Variants in CA1 observed in about 807,000 individuals in gnomAD.
CA1 encodes carbonic anhydrase 1, also known as carbonate dehydratase I.
A neutral mutation model predicts 28.8 loss-of-function variants in CA1; 27 were observed. The observed-to-expected ratio is 0.94, with a 90% CI of 0.69 to 1.29. The LOEUF is 1.29. Among genes scored for constraint, CA1 ranks in the 50% most tolerant of loss-of-function variants. The probability of loss-of-function intolerance (pLI) is 0.00; values close to 1 mark genes in which losing one functional copy is unlikely to be tolerated. For synonymous variants in CA1, 121 were observed against 108.8 expected (o/e 1.11, Z -0.70); for missense variants, 335 against 310.5 (o/e 1.08, Z -0.59).
chr8:85,371,784 A>G (rs1262323196), intron 1 of CA1, among the ~76,000 whole-genome samples: 2 of 152,216 alleles, frequency 1.3e-5, no homozygotes, highest in Non-Finnish European at 2.9e-5. Flanking sequence ...AGTGAATTAC[A>G]GAGCAGCAAG....
chr8:85,370,293 T>C (rs1029526176), intron 1 of CA1, among the ~76,000 whole-genome samples: 2 of 152,186 alleles, frequency 1.3e-5, no homozygotes, highest in African/African-American at 4.8e-5. Context: ...GAAGTAAACT[T>C]TGTTCAGACT....
chr8:85,365,001 T>C (rs1427815004), intron 1 of CA1, among the ~76,000 whole-genome samples: 1 of 152,154 alleles, frequency 6.6e-6, no homozygotes, highest in Non-Finnish European at 1.5e-5. Flanking sequence ...GCTCTCCCTC[T>C]GTGGGCAAGA....
chr8:85,346,165 A>T (rs1342067537), intron 1 of CA1, among the ~76,000 whole-genome samples: 2 of 152,164 alleles, frequency 1.3e-5, no homozygotes, highest in African/African-American at 4.8e-5. Flanking sequence ...ATTAAATTTT[A>T]AGTATATCTC....
chr8:85,329,729 C>A lies in CA1; in HGVS notation c.629G>T (p.Trp210Leu). Reference sequence around the variant, plus strand: ...ACTGATGCTCTCCTTACAGATGATCCAAGTTACACTCTCATAAAGAGGAGG... The same window carrying A: ...ACTGATGCTCTCCTTACAGATGATCAAAGTTACACTCTCATAAAGAGGAGG... Reference protein sequence around the residue: ...THPPLYESVTWIICKESISVS... With the variant: ...THPPLYESVTLIICKESISVS... Residue 210 changes from tryptophan to leucine, a missense_variant, in exon 7 of 8, where the codon TGG becomes TTG. Physicochemically the swap from Trp to Leu is moderately conservative, Grantham distance 61 (BLOSUM62 -2). Transcript: ENST00000523022. 6.2e-7 allele frequency: 1 copy of A among 1,609,762 alleles called. No individual in the cohort carries two copies. The highest frequency in any genetic ancestry group is 2.2e-5 in the East Asian group (1 of 44,684).
At chr8:85,329,570 G>T in intron 7 of CA1, 119 bp downstream of exon 7, 1 of 878,736 alleles carries the variant, frequency 1.1e-6, no homozygotes, top group South Asian at 1.4e-5. Flanking sequence ...TTTTTAAGTT[G>T]GGAGGAAAAA....
intron 1 of CA1, among the ~76,000 whole-genome samples, chr8:85,344,349 T>C (rs971652289): frequency 2.2e-5 from 3 of 138,062 alleles, no homozygotes; most frequent in African/African-American, 7.8e-5. Flanking sequence ...TTTATACATA[T>C]ATTATGTATA....
intron 1 of CA1, among the ~76,000 whole-genome samples, chr8:85,353,198 A>G (rs568280912): frequency 5.6e-4 from 86 of 152,316 alleles, no homozygotes; most frequent in African/African-American, 1.7e-3. Context: ...AACTAACATG[A>G]CGCTATAGAC....
chr8:85,338,068 A>G (rs1051261748), intron 3 of CA1, 184 bp downstream of exon 3: 3 of 701,036 alleles, frequency 4.3e-6, no homozygotes, highest in Non-Finnish European at 7.8e-6. Flanking sequence ...GAGAGCTGGG[A>G]GTTCCAAAAA....
At chr8:85,364,112 GT>G (rs1809915617) in intron 1 of CA1, among the ~76,000 whole-genome samples, 1 of 151,934 alleles carries the variant, frequency 6.6e-6, no homozygotes, top group Non-Finnish European at 1.5e-5. Flanking sequence ...AAATGCTGGA[GT>G]TACAGGCGTG....
At chr8:85,331,682 T>C (rs1356885485) in intron 6 of CA1, among the ~76,000 whole-genome samples, 8 of 152,076 alleles carry the variant, frequency 5.3e-5, no homozygotes, top group Non-Finnish European at 1.0e-4. Flanking sequence ...GGTCTTGAAC[T>C]CCTGACCTCA....
intron 2 of CA1, among the ~76,000 whole-genome samples, chr8:85,340,548 G>A (rs1808872253): frequency 6.6e-6 from 1 of 152,156 alleles, no homozygotes; most frequent in African/African-American, 2.4e-5. Flanking sequence ...ATGGATCAAG[G>A]AGTAATTTCA....
chr8:85,374,455 A>G (rs906098165), intron 1 of CA1, among the ~76,000 whole-genome samples: 2 of 152,194 alleles, frequency 1.3e-5, no homozygotes, highest in South Asian at 4.1e-4. Flanking sequence ...AAGTACTGCT[A>G]TAGGTTTGTG....
At chr8:85,338,632 T>TTTC (rs1808766644) in intron 2 of CA1, among the ~76,000 whole-genome samples, 183 bp from the exon 3 acceptor site, 4 of 131,614 alleles carry the variant, frequency 3.0e-5, no homozygotes, top group African/African-American at 8.8e-5. Context: ...CTTTCCTTCT[T>TTTC]TTTCTTTCTT....
chr8:85,332,348 G>A, intron 6 of CA1, 142 bp downstream of exon 6: 1 of 680,900 alleles, frequency 1.5e-6, no homozygotes, highest in Non-Finnish European at 2.7e-6. Context: ...GAGGTAGGCA[G>A]TATTGAAGTA....
intron 7 of CA1, among the ~76,000 whole-genome samples, chr8:85,329,279 G>A (rs1187983000): frequency 6.6e-6 from 1 of 152,068 alleles, no homozygotes; most frequent in Non-Finnish European, 1.5e-5. Context: ...ATATTTTGTT[G>A]AATATTTAAA....
At chr8:85,374,004 C>T (rs1235293885) in intron 1 of CA1, among the ~76,000 whole-genome samples, 6 of 151,948 alleles carry the variant, frequency 3.9e-5, no homozygotes, top group African/African-American at 7.3e-5. Flanking sequence ...GGAGATGATG[C>T]GCGATGGGGG....
chr8:85,359,147 A>C (rs1259846019), intron 1 of CA1, among the ~76,000 whole-genome samples: 1 of 152,204 alleles, frequency 6.6e-6, no homozygotes, highest in Non-Finnish European at 1.5e-5. Flanking sequence ...GGTTTGAAGG[A>C]AGGGAAGACT....
chr8:85,365,099 C>G (rs1415222419), intron 1 of CA1, among the ~76,000 whole-genome samples: 3 of 152,148 alleles, frequency 2.0e-5, no homozygotes, highest in Non-Finnish European at 4.4e-5. Flanking sequence ...TACAGCTGAG[C>G]TGTATGAAGC....
chr8:85,352,964 A>G (rs1040143267), intron 1 of CA1, among the ~76,000 whole-genome samples: 13 of 152,200 alleles, frequency 8.5e-5, no homozygotes, highest in Non-Finnish European at 1.5e-5. Context: ...AGTTGAGTTC[A>G]GGCTCAAGTG....
Sources: gnomAD v4.1 joint callset for allele counts (sites outside exome capture counted in the v4.1 genomes callset) on GRCh38, gnomAD v4.1.1 for gene constraint, MANE v1.5 for transcripts, NCBI Gene and HGNC (gene_info 2026-07-23, HGNC 2026-07-21) for gene names.